The following GABRA2 variants were observed in gnomAD, a reference collection of about 807,000 sequenced individuals.
GABRA2 encodes the protein gamma-aminobutyric acid receptor subunit alpha-2.
Under a neutral mutation model 48.7 loss-of-function variants are expected in GABRA2, and 16 were observed. That is an observed-to-expected ratio of 0.33 (90% CI 0.22 to 0.50). The LOEUF is 0.50. GABRA2 is among the 20% of genes least tolerant of loss of function. GABRA2 has a pLI of 0.98. For synonymous variants in GABRA2, 185 were observed against 184.5 expected, an observed-to-expected ratio of 1.00 and a Z score of -0.02; for missense variants, 275 against 535.6, an observed-to-expected ratio of 0.51 and a Z score of 4.80.
At chr4:46,277,160 A>ACTT (rs886300592) in intron 8 of GABRA2, among the ~76,000 whole-genome samples, 4 of 152,140 alleles carry the variant, frequency 2.6e-5, no homozygotes, top group African/African-American at 9.7e-5. Context: ...TCCTGAAACA[A>ACTT]CTTCTCAGGC....
intron 3 of GABRA2, among the ~76,000 whole-genome samples, chr4:46,355,411 T>C (rs1285644032): frequency 1.3e-5 from 2 of 152,194 alleles, no homozygotes; most frequent in South Asian, 2.1e-4. Context: ...TCCTTTCCTT[T>C]GCAAACTCAG....
Position 46,246,080 on chromosome 4 carries a change from T to C in GABRA2, c.*4228A>G, listed in dbSNP as rs1713663671. Among the ~76,000 whole-genome samples the C allele has an allele frequency of 6.6e-6, 1 of 151,092 alleles. No homozygotes were observed. On this transcript the variant is annotated 3_prime_UTR_variant, in exon 10 of 10. Transcript: ENST00000381620. Reference sequence around the variant, plus strand: ...ACTTTCACATGAACTTTCTCTACTTTAGTATTTTAGTTATGATGCTTACTA... The same window carrying C: ...ACTTTCACATGAACTTTCTCTACTTCAGTATTTTAGTTATGATGCTTACTA...
intron 8 of GABRA2, among the ~76,000 whole-genome samples, chr4:46,266,284 TA>T (rs1484034522): frequency 8.8e-5 from 13 of 147,812 alleles, no homozygotes; most frequent in African/African-American, 3.2e-4. Context: ...AATAAGATAG[TA>T]AACAAATTAT....
intron 3 of GABRA2, among the ~76,000 whole-genome samples, chr4:46,358,234 G>A (rs1453474254): frequency 1.3e-5 from 2 of 152,110 alleles, no homozygotes; most frequent in East Asian, 1.9e-4. Flanking sequence ...GCTTTACGAT[G>A]TCCCATGATG....
intron 3 of GABRA2, chr4:46,364,615 T>G (rs549779436): frequency 6.6e-6 from 1 of 152,332 alleles, no homozygotes; most frequent in Admixed American, 6.5e-5. Flanking sequence ...GAATTAAGAT[T>G]CCCATTTTCC....
At chr4:46,329,412 G>C (rs534909487) in intron 4 of GABRA2, among the ~76,000 whole-genome samples, 20 of 152,184 alleles carry the variant, frequency 1.3e-4, no homozygotes, top group Middle Eastern at 3.4e-3. Context: ...GACATGCTAT[G>C]AGTTTTCAGC....
chr4:46,290,107 G>T (rs796307255), intron 8 of GABRA2, among the ~76,000 whole-genome samples: 1 of 148,208 alleles, frequency 6.7e-6, no homozygotes, highest in African/African-American at 2.5e-5. Flanking sequence ...TAGTAGAGAC[G>T]GGGTTTCACC....
chr4:46,263,099 G>A (rs886569885), intron 8 of GABRA2, among the ~76,000 whole-genome samples: 1 of 151,752 alleles, frequency 6.6e-6, no homozygotes, highest in African/African-American at 2.4e-5. Flanking sequence ...ACATATACAT[G>A]TATGTACATA....
chr4:46,345,964 T>G (rs909133132), intron 3 of GABRA2, among the ~76,000 whole-genome samples: 7 of 151,978 alleles, frequency 4.6e-5, no homozygotes, highest in African/African-American at 1.7e-4. Context: ...TGTAGATGAC[T>G]TCCCTTGAAG....
intron 3 of GABRA2, chr4:46,364,988 T>C (rs1434970195): frequency 6.6e-6 from 1 of 152,206 alleles, no homozygotes; most frequent in Non-Finnish European, 1.5e-5. Context: ...ACACTTTCAA[T>C]CATTTTAAAA....
chr4:46,261,136 T>C (rs1178923656), intron 9 of GABRA2: 1 of 152,070 alleles, frequency 6.6e-6, no homozygotes, highest in African/African-American at 2.4e-5. Context: ...ATACATAATC[T>C]ACAGAGTATG....
chr4:46,343,263 T>C (rs1733601133), intron 3 of GABRA2, among the ~76,000 whole-genome samples: 2 of 152,002 alleles, frequency 1.3e-5, no homozygotes, highest in Admixed American at 6.6e-5. Flanking sequence ...AAAACAAAGA[T>C]AGATTTTTCT....
chr4:46,250,736 G>A, intron 9 of GABRA2, 132 bp from the exon 10 acceptor site: 1 of 638,032 alleles, frequency 1.6e-6, no homozygotes, highest in Non-Finnish European at 2.6e-6. Context: ...ACAGAAATTA[G>A]GAAAATAAAT....
chr4:46,380,320 A>G (rs1716588295), intron 3 of GABRA2, among the ~76,000 whole-genome samples: 1 of 152,236 alleles, frequency 6.6e-6, no homozygotes, highest in African/African-American at 2.4e-5. Flanking sequence ...TGCCCACACA[A>G]TAAGACTGAA....
chr4:46,366,879 C>T (rs1454473563), intron 3 of GABRA2: 2 of 151,986 alleles, frequency 1.3e-5, no homozygotes. Flanking sequence ...TTTTAAAATA[C>T]ATTTTTGTAG....
chr4:46,265,400 T>G (rs1717938259), intron 8 of GABRA2, among the ~76,000 whole-genome samples: 1 of 133,516 alleles, frequency 7.5e-6, no homozygotes, highest in Non-Finnish European at 1.6e-5. Flanking sequence ...ATATATAATA[T>G]ATTGTGTATA....
chr4:46,261,167 C>A (rs942975096), intron 9 of GABRA2: 1 of 152,024 alleles, frequency 6.6e-6, no homozygotes, highest in Non-Finnish European at 1.5e-5. Flanking sequence ...GCTGTTATAT[C>A]AATGCACAAA....
intron 8 of GABRA2, among the ~76,000 whole-genome samples, chr4:46,265,570 C>CT (rs1216998650): frequency 6.7e-6 from 1 of 148,542 alleles, no homozygotes; most frequent in African/African-American, 2.5e-5. Context: ...ATTTTTTTCT[C>CT]TTTTTTTCTT....
At chr4:46,369,407 C>G (rs907618123) in intron 3 of GABRA2, among the ~76,000 whole-genome samples, 10 of 151,950 alleles carry the variant, frequency 6.6e-5, no homozygotes, top group African/African-American at 2.4e-4. Context: ...TATGTTGATA[C>G]CTGTGGATTA....
Sources: gnomAD v4.1 joint callset for allele counts (sites outside exome capture counted in the v4.1 genomes callset) on GRCh38, gnomAD v4.1.1 for gene constraint, MANE v1.5 for transcripts, NCBI Gene and HGNC (gene_info 2026-07-23, HGNC 2026-07-21) for gene names.